GNG7: variants seen among roughly 807,000 people sequenced by gnomAD.
The protein encoded by GNG7 is guanine nucleotide-binding protein G(I)/G(S)/G(O) subunit gamma-7.
GNG7 carries 1 observed loss-of-function variant against 4.0 expected under a neutral mutation model. The ratio of observed to expected loss-of-function variants is 0.25; its 90% confidence interval spans 0.09 to 1.18. GNG7 has a LOEUF of 1.18. Ranked by LOEUF, GNG7 falls within the 50% of genes most tolerant of loss-of-function variation. GNG7 has a pLI of 0.50. For synonymous variants in GNG7, 34 were observed against 36.9 expected, an observed-to-expected ratio of 0.92 and a Z score of 0.29; for missense variants, 86 against 91.9, an observed-to-expected ratio of 0.94 and a Z score of 0.26.
At chr19:2,608,821 C>A (rs1981474216) in intron 2 of GNG7, among the ~76,000 whole-genome samples, 1 of 152,232 alleles carries the variant, frequency 6.6e-6, no homozygotes, top group South Asian at 2.1e-4. Context: ...CCTCATCAGA[C>A]CCCTGCAGGC....
intron 2 of GNG7, among the ~76,000 whole-genome samples, chr19:2,561,046 G>A (rs1259883085): frequency 2.6e-5 from 4 of 152,028 alleles, no homozygotes; most frequent in East Asian, 1.9e-4. Flanking sequence ...TGGGGCAGAC[G>A]GTGTGTAAAC....
At chr19:2,559,813 A>ACTTTTGTATTTTTTGT (rs1555693854) in intron 2 of GNG7, among the ~76,000 whole-genome samples, 95 of 150,188 alleles carry the variant, frequency 6.3e-4, no homozygotes, top group African/African-American at 9.8e-4. Flanking sequence ...TGCCTGGCTC[A>ACTTTTGTATTTTTTGT]AAGGTGTCTT....
intron 2 of GNG7, among the ~76,000 whole-genome samples, chr19:2,568,827 A>C (rs373093112): frequency 6.6e-6 from 1 of 151,874 alleles, no homozygotes; most frequent in South Asian, 2.1e-4. Flanking sequence ...TATACACACA[A>C]ATATATACAC....
Position 2,695,278 on chromosome 19 carries a change from C to G in GNG7, c.-135+7368G>C, listed in dbSNP as rs111382116. Reference sequence around the variant, plus strand: ...CTCCTGTCTGGACCTTCCGCAGCCCCCTCTCTACCCCCCTGGACGACTTCT... The same window carrying G: ...CTCCTGTCTGGACCTTCCGCAGCCCGCTCTCTACCCCCCTGGACGACTTCT... On this transcript the variant is annotated intron_variant, in intron 1 of 4. Transcript: ENST00000382159. Among the ~76,000 whole-genome samples the G allele has an allele frequency of 4.7e-3, 715 of 152,146 alleles. 11 individuals carry two copies. Among genetic ancestry groups the G allele is most frequent in the African/African-American group, 0.017 (690 of 41,518 alleles).
At chr19:2,520,769 C>T in intron 3 of GNG7, 44 bp from the exon 4 acceptor site, 1 of 873,110 alleles carries the variant, frequency 1.1e-6, no homozygotes, top group Non-Finnish European at 1.8e-6. Flanking sequence ...TCAGGTCAGG[C>T]CTCTGGGTGG....
At chr19:2,519,167 T>TC (rs1269754307) in intron 4 of GNG7, among the ~76,000 whole-genome samples, 2 of 146,016 alleles carry the variant, frequency 1.4e-5, no homozygotes, top group African/African-American at 5.1e-5. Context: ...TTTTTTTTTT[T>TC]TGAGATAGAG....
intron 2 of GNG7, among the ~76,000 whole-genome samples, chr19:2,639,999 AGAGGGAGGGAAG>A (rs1982455985): frequency 2.0e-5 from 1 of 49,420 alleles, no homozygotes; most frequent in African/African-American, 8.3e-5. Context: ...AAGAAAGAAG[AGAGGGAGGGAAG>A]GAGGGAGGGG....
At chr19:2,563,608 A>G (rs1165173141) in intron 2 of GNG7, among the ~76,000 whole-genome samples, 1 of 152,030 alleles carries the variant, frequency 6.6e-6, no homozygotes, top group Non-Finnish European at 1.5e-5. Flanking sequence ...GCCTCCCTAT[A>G]GTAGTTGGAA....
intron 1 of GNG7, among the ~76,000 whole-genome samples, chr19:2,701,946 A>C (rs1368219510): frequency 3.8e-5 from 2 of 53,258 alleles, no homozygotes; most frequent in South Asian, 7.5e-4. Context: ...ATCCCACTCC[A>C]AGCCCCCTCG....
intron 3 of GNG7, among the ~76,000 whole-genome samples, chr19:2,551,860 T>A (rs906680685): frequency 1.3e-5 from 2 of 151,948 alleles, no homozygotes; most frequent in Non-Finnish European, 2.9e-5. Context: ...ATTTTTTTTA[T>A]TTTCAGTAGA....
intron 2 of GNG7, among the ~76,000 whole-genome samples, chr19:2,555,482 C>T (rs893799109): frequency 2.0e-5 from 3 of 152,206 alleles, no homozygotes; most frequent in Admixed American, 2.0e-4. Flanking sequence ...GCCCCAACCC[C>T]ACAGTCAAAG....
chr19:2,571,982 G>A (rs565952673), intron 2 of GNG7, among the ~76,000 whole-genome samples: 5 of 152,166 alleles, frequency 3.3e-5, no homozygotes, highest in South Asian at 4.1e-4. Context: ...TTTTGACAAT[G>A]CCACATTGTC....
intron 1 of GNG7, among the ~76,000 whole-genome samples, chr19:2,652,963 C>A (rs570946736): frequency 6.6e-6 from 1 of 151,922 alleles, no homozygotes; most frequent in East Asian, 1.9e-4. Flanking sequence ...CCTATCTCTA[C>A]AAAAAATTTA....
chr19:2,553,013 A>G (rs997731149), intron 3 of GNG7, among the ~76,000 whole-genome samples: 2 of 151,704 alleles, frequency 1.3e-5, no homozygotes, highest in African/African-American at 4.8e-5. Flanking sequence ...CAGAGCAGCG[A>G]TAAACGAGAC....
intron 2 of GNG7, among the ~76,000 whole-genome samples, chr19:2,599,664 C>T (rs988394356): frequency 1.4e-4 from 22 of 152,286 alleles, no homozygotes; most frequent in Non-Finnish European, 3.1e-4. Flanking sequence ...AGGCCGGGCG[C>T]GGTGGCTCAC....
intron 1 of GNG7, among the ~76,000 whole-genome samples, chr19:2,673,117 C>T (rs1346276721): frequency 6.6e-6 from 1 of 151,626 alleles, no homozygotes; most frequent in African/African-American, 2.4e-5. Context: ...ATTAGCTGGG[C>T]GTGGCAGCGG....
intron 4 of GNG7, among the ~76,000 whole-genome samples, chr19:2,518,272 G>A (rs1312907614): frequency 2.0e-5 from 3 of 152,128 alleles, no homozygotes; most frequent in East Asian, 1.9e-4. Flanking sequence ...TCAAAGGGGC[G>A]GTGGGGGCCC....
chr19:2,673,634 A>G (rs1983520943), intron 1 of GNG7, among the ~76,000 whole-genome samples: 1 of 151,252 alleles, frequency 6.6e-6, no homozygotes, highest in Non-Finnish European at 1.5e-5. Flanking sequence ...TGGAGGTTGC[A>G]GTGAGCCAAG....
chr19:2,631,008 A>G (rs912002571), intron 2 of GNG7, among the ~76,000 whole-genome samples: 1 of 152,156 alleles, frequency 6.6e-6, no homozygotes, highest in African/African-American at 2.4e-5. Context: ...CCTCCTGAGT[A>G]TGTCTGAGTA....
Sources: gnomAD v4.1 joint callset for allele counts (sites outside exome capture counted in the v4.1 genomes callset) on GRCh38, gnomAD v4.1.1 for gene constraint, MANE v1.5 for transcripts, NCBI Gene and HGNC (gene_info 2026-07-23, HGNC 2026-07-21) for gene names.